Variants in PTPRN2 observed in about 807,000 individuals in gnomAD.
PTPRN2 encodes the protein receptor-type tyrosine-protein phosphatase N2.
A neutral mutation model predicts 118.8 loss-of-function variants in PTPRN2; 74 were observed. That is an observed-to-expected ratio of 0.62 (90% CI 0.52 to 0.76). The LOEUF is 0.76. PTPRN2 is among the 30% of genes least tolerant of loss of function. The probability of loss-of-function intolerance (pLI) is 0.00; values close to 1 mark genes in which losing one functional copy is unlikely to be tolerated. For missense variants in PTPRN2, 1,481 were observed against 1,394.4 expected, an observed-to-expected ratio of 1.06 and a Z score of -0.99; for synonymous variants, 641 against 608.0, an observed-to-expected ratio of 1.05 and a Z score of -0.80.
intron 2 of PTPRN2, among the ~76,000 whole-genome samples, chr7:158,414,745 C>T (rs1478997507): frequency 6.6e-6 from 1 of 152,228 alleles, no homozygotes. Flanking sequence ...CTCCACTGAA[C>T]GCTGGGAGCT....
chr7:158,469,834 A>T (rs1159740823), intron 2 of PTPRN2, among the ~76,000 whole-genome samples: 1 of 152,176 alleles, frequency 6.6e-6, no homozygotes, highest in Admixed American at 6.5e-5. Context: ...ATTGCATCAC[A>T]ATGGGCTGTC....
intron 12 of PTPRN2, among the ~76,000 whole-genome samples, chr7:157,730,627 C>T (rs926871518): frequency 2.6e-5 from 4 of 152,234 alleles, no homozygotes. Context: ...AGTGAGATTG[C>T]TTCACGATGA....
rs763860461 is a variant in PTPRN2, at chr7:157,618,964, G to A, written c.2344+2398C>T. ...GAGGGAGGTGCTTTCCCCCTCACCCGTCACCTGGCTCAGAATGGGCAGGGC... is the reference window on the plus strand; with the variant it reads ...GAGGGAGGTGCTTTCCCCCTCACCCATCACCTGGCTCAGAATGGGCAGGGC... On this transcript the variant is annotated intron_variant, in intron 15 of 22. Coordinates refer to ENST00000389418, the MANE Select transcript of PTPRN2 (RefSeq NM_002847.5). The surrounding 1 kb of genome is among the most constrained non-coding windows in gnomAD (Gnocchi z 4.2). 1.3e-5 allele frequency among the ~76,000 whole-genome samples: 2 copies of A among 152,012 alleles called. No homozygotes were observed. The highest frequency in any genetic ancestry group is 2.9e-5 in the Non-Finnish European group (2 of 67,984).
intron 11 of PTPRN2, among the ~76,000 whole-genome samples, chr7:158,007,632 G>T (rs1805720028): frequency 6.6e-6 from 1 of 152,152 alleles, no homozygotes; most frequent in Non-Finnish European, 1.5e-5. Flanking sequence ...ACACAGAAGG[G>T]GACAGGAAGG....
chr7:157,984,304 C>T (rs1803565036), intron 11 of PTPRN2, among the ~76,000 whole-genome samples: 1 of 136,438 alleles, frequency 7.3e-6, no homozygotes, highest in Non-Finnish European at 1.6e-5. Context: ...CCACGCCAGG[C>T]TCCACCCCAT....
At chr7:158,132,325 CACAT>C (rs1224922279) in intron 9 of PTPRN2, among the ~76,000 whole-genome samples, 1 of 151,978 alleles carries the variant, frequency 6.6e-6, no homozygotes, top group Non-Finnish European at 1.5e-5. Context: ...CTCATACACA[CACAT>C]GCAAATAAGC....
chr7:158,145,172 G>A lies in PTPRN2; in HGVS notation c.911-6657C>T, dbSNP rs565568320. Among the ~76,000 whole-genome samples the A allele has an allele frequency of 8.6e-5, 13 of 151,552 alleles. No homozygotes were observed. In the South Asian group the frequency reaches 1.3e-3, roughly 15 times the overall value. ...TCGGCAAGACTTCCCTCACATCATCGTGAGAAGGTTCCAGAATACCACAGC... is the reference window on the plus strand; with the variant it reads ...TCGGCAAGACTTCCCTCACATCATCATGAGAAGGTTCCAGAATACCACAGC... On this transcript the variant is annotated intron_variant, in intron 6 of 22. Transcript: ENST00000389418.
At chr7:158,021,254 G>A (rs973301906) in intron 11 of PTPRN2, among the ~76,000 whole-genome samples, 1 of 152,176 alleles carries the variant, frequency 6.6e-6, no homozygotes, top group Non-Finnish European at 1.5e-5. Flanking sequence ...CAGGTATTAG[G>A]AAAGAATTGG....
chr7:157,806,847 GGCATGGGCCCAGC>G (rs1805667619), intron 12 of PTPRN2, among the ~76,000 whole-genome samples: 1 of 152,232 alleles, frequency 6.6e-6, no homozygotes, highest in Admixed American at 6.5e-5. Context: ...GAGGGCCACT[GGCATGGGCCCAGC>G]TTCCCGCTCT....
At chr7:157,803,774 TA>T (rs1259445706) in intron 12 of PTPRN2, among the ~76,000 whole-genome samples, 1 of 152,086 alleles carries the variant, frequency 6.6e-6, no homozygotes, top group Non-Finnish European at 1.5e-5. Flanking sequence ...CATTGATCTA[TA>T]AGTCTGTTTT....
intron 3 of PTPRN2, among the ~76,000 whole-genome samples, chr7:158,255,654 G>A (rs1342118480): frequency 1.3e-5 from 2 of 152,146 alleles, no homozygotes; most frequent in African/African-American, 4.8e-5. Context: ...ACCAAACTAT[G>A]AGTCTCACAG....
chr7:158,004,632 TATATGGAAA>T (rs1805518491), intron 11 of PTPRN2, among the ~76,000 whole-genome samples: 1 of 152,242 alleles, frequency 6.6e-6, no homozygotes, highest in South Asian at 2.1e-4. Flanking sequence ...TATGTGTGCT[TATATGGAAA>T]ATATTGATCC....
rs1051523502 is a variant in PTPRN2 at position 157,990,739 on chromosome 7, C to T, written c.1723+90559G>A. On this transcript the variant is annotated intron_variant, in intron 11 of 22. Coordinates refer to ENST00000389418, the MANE Select transcript of PTPRN2 (RefSeq NM_002847.5). This position sits in a 1 kb window ranked among gnomAD's most constrained non-coding sequence, Gnocchi z 4.3. ...CTGGGGCTGCCTGGGGCACAAAGCA[C>T]GTGGACTAGGACACTGGAATGTCAC... is the stretch of plus-strand genomic sequence containing the variant. Among the ~76,000 whole-genome samples, 1 of 152,134 alleles carries T rather than the reference C, an allele frequency of 6.6e-6. No individual in the cohort carries two copies.
At chr7:158,175,699 A>G (rs1563561392) in intron 5 of PTPRN2, among the ~76,000 whole-genome samples, 1 of 152,052 alleles carries the variant, frequency 6.6e-6, no homozygotes, top group Non-Finnish European at 1.5e-5. Flanking sequence ...GAGCTCTCAG[A>G]CTGAAAAATA....
At chr7:158,294,619 C>T (rs936106927) in intron 3 of PTPRN2, among the ~76,000 whole-genome samples, 2 of 152,170 alleles carry the variant, frequency 1.3e-5, no homozygotes, top group Admixed American at 1.3e-4. Flanking sequence ...ATGCGAGAGG[C>T]AGGGCTGAGC....
At chr7:158,367,826 T>A (rs1225629450) in intron 2 of PTPRN2, among the ~76,000 whole-genome samples, 2 of 152,170 alleles carry the variant, frequency 1.3e-5, no homozygotes, top group Non-Finnish European at 2.9e-5. Flanking sequence ...CTCTCCATAA[T>A]GAGTTCATTT....
At chr7:158,133,380 G>T (rs1818534698) in intron 9 of PTPRN2, among the ~76,000 whole-genome samples, 1 of 152,302 alleles carries the variant, frequency 6.6e-6, no homozygotes, top group South Asian at 2.1e-4. Context: ...CGGCCTGCAG[G>T]TGACCAGTCA....
intron 11 of PTPRN2, among the ~76,000 whole-genome samples, chr7:157,943,925 CTAT>C (rs963364795): frequency 7.9e-5 from 12 of 152,158 alleles, no homozygotes; most frequent in African/African-American, 2.9e-4. Context: ...TTTTGACTCC[CTAT>C]TATTTTTCTG....
At chr7:158,118,535 G>A (rs1280107090) in intron 9 of PTPRN2, among the ~76,000 whole-genome samples, 1 of 152,010 alleles carries the variant, frequency 6.6e-6, no homozygotes, top group Non-Finnish European at 1.5e-5. Context: ...AATGACAGAA[G>A]TCCCTCCTCA....
Sources: allele counts gnomAD v4.1 joint callset (sites outside exome capture counted in the v4.1 genomes callset), GRCh38; gene constraint gnomAD v4.1.1; non-coding constraint Gnocchi (gnomAD v3.1); transcripts MANE v1.5; gene names NCBI Gene and HGNC (gene_info 2026-07-23, HGNC 2026-07-21).